The following RIC1 variants were observed in gnomAD, a reference collection of about 807,000 sequenced individuals.
The protein encoded by RIC1 is guanine nucleotide exchange factor subunit RIC1.
RIC1 carries 88 observed loss-of-function variants against 169.0 expected under a neutral mutation model. That is an observed-to-expected ratio of 0.52 (90% confidence interval 0.44 to 0.62). The LOEUF (loss-of-function observed/expected upper bound fraction) is 0.62. RIC1 is among the 20% of genes least tolerant of loss of function. RIC1 has a pLI of 0.00. For missense variants in RIC1, 1,877 were observed against 1,725.5 expected (o/e 1.09, Z -1.56); for synonymous variants, 790 against 601.5 (o/e 1.31, Z -4.59).
At position 5,753,419 on chromosome 9, in the gene RIC1, T is replaced by C. The variant is rs907290674; in HGVS notation, c.1492-117T>C. The C allele has an allele frequency of 8.9e-5, 73 of 818,738 alleles. 1 individual carries two copies. Among genetic ancestry groups the C allele is most frequent in the Non-Finnish European group, 1.2e-4 (62 of 512,730 alleles). 50.7% of individuals were successfully genotyped at this position (818,738 alleles called of 1,614,324 possible). On this transcript the variant is annotated intron_variant, in intron 13 of 25. Transcript: ENST00000414202. ...ATAACTGAATATTTGGACTTTAAAA[T>C]ATTTAATTAGCAAACATTTATTAAT...
intron 3 of RIC1, among the ~76,000 whole-genome samples, chr9:5,712,355 T>C (rs1239094252): frequency 6.6e-6 from 1 of 152,158 alleles, no homozygotes; most frequent in Admixed American, 6.6e-5. Flanking sequence ...CATGTGTCTG[T>C]TAAAGAGCTT....
intron 8 of RIC1, among the ~76,000 whole-genome samples, chr9:5,742,411 T>C (rs538429772): frequency 1.2e-4 from 18 of 152,204 alleles, no homozygotes; most frequent in Non-Finnish European, 2.2e-4. Flanking sequence ...GTGGAAGTCA[T>C]TCAGGGTGTC....
In RIC1 at chr9:5,753,598, T is replaced by C. The variant is rs1301248904; in HGVS notation, c.1554T>C (p.His518=). Residue 518 remains histidine (H), a synonymous_variant, in exon 14 of 26, where the codon CAT becomes CAC. Coordinates refer to ENST00000414202, the MANE Select transcript of RIC1 (RefSeq NM_020829.4). The part of the protein sequence containing the change: ...IAVVGKFGFA[H]YSLLTKKWKL... ...TGGTTGGCAAGTTTGGTTTTGCACA[T>C]TACTCTTTACTCACCAAAAAATGGA... 2 of 1,611,188 alleles carry C rather than the reference T, an allele frequency of 1.2e-6. No homozygotes were observed. Among genetic ancestry groups the C allele is most frequent in the Admixed American group, 1.7e-5 (1 of 59,630 alleles).
chr9:5,712,145 C>T (rs1822969199), intron 3 of RIC1, among the ~76,000 whole-genome samples: 1 of 152,152 alleles, frequency 6.6e-6, no homozygotes, highest in South Asian at 2.1e-4. Context: ...CCTAAGGAAT[C>T]GCCACACTGT....
chr9:5,706,493 A>AT (rs1003925307), intron 3 of RIC1, among the ~76,000 whole-genome samples: 40 of 150,876 alleles, frequency 2.7e-4, no homozygotes, highest in African/African-American at 4.9e-4. Flanking sequence ...CCTCTTACCT[A>AT]TTTTTTTTTA....
At chr9:5,723,009 A>G (rs549001965) in intron 6 of RIC1, among the ~76,000 whole-genome samples, 7 of 152,342 alleles carry the variant, frequency 4.6e-5, no homozygotes, top group African/African-American at 1.4e-4. Flanking sequence ...TAGTGCCACA[A>G]TAAACATACA....
At position 5,676,396 on chromosome 9, in the gene RIC1, G is replaced by C. The variant is rs558159453; in HGVS notation, c.253-13563G>C. Among the ~76,000 whole-genome samples the C allele has an allele frequency of 5.3e-5, 8 of 152,226 alleles. No homozygotes were observed. The South Asian group carries it at 1.5e-3, about 28-fold the overall frequency. The stretch of plus-strand genomic sequence containing the variant: ...ATAATTATAATAGTAAATTTTGGGA[G>C]GTGTCTATGTTCTAGGCACTGTTGT... On this transcript the variant is annotated intron_variant, in intron 2 of 25. Transcript: ENST00000414202.
rs898530919 is a variant in RIC1 at position 5,775,187 on chromosome 9, A to G, written c.*941A>G. On this transcript the variant is annotated 3_prime_UTR_variant, in exon 26 of 26. Transcript: ENST00000414202. ...TGCAGCAAGTTTTGTGCAAATTAAC[A>G]TAGTCTCTTATTTATTGCTTTTGTA... 22 of 152,230 alleles carry G rather than the reference A, an allele frequency of 1.4e-4. No homozygotes were observed. Among genetic ancestry groups the G allele is most frequent in the African/African-American group, 5.3e-4 (22 of 41,472 alleles). 9.4% of individuals were successfully genotyped at this position (152,230 alleles called of 1,614,324 possible).
chr9:5,635,803 G>A (rs74768668), intron 1 of RIC1, among the ~76,000 whole-genome samples: 2 of 152,194 alleles, frequency 1.3e-5, no homozygotes, highest in East Asian at 3.9e-4. Flanking sequence ...CCTTCTACAC[G>A]CTCTGTCTCT....
At chr9:5,686,412 T>C (rs1435673551) in intron 2 of RIC1, among the ~76,000 whole-genome samples, 2 of 151,808 alleles carry the variant, frequency 1.3e-5, no homozygotes, top group East Asian at 3.9e-4. Context: ...ATTAAGAAAA[T>C]GTGGCACATA....
At chr9:5,674,767 C>T (rs1820344204) in intron 2 of RIC1, among the ~76,000 whole-genome samples, 4 of 152,218 alleles carry the variant, frequency 2.6e-5, no homozygotes. Flanking sequence ...TCCCCTCCAG[C>T]CCACTTTTCC....
chr9:5,711,772 G>A (rs1041483078), intron 3 of RIC1, among the ~76,000 whole-genome samples: 1 of 152,114 alleles, frequency 6.6e-6, no homozygotes, highest in Admixed American at 6.6e-5. Context: ...TCCCTTTCCT[G>A]TGTCCAAGTG....
At chr9:5,762,000 C>T (rs1166796163) in intron 17 of RIC1, among the ~76,000 whole-genome samples, 1 of 152,172 alleles carries the variant, frequency 6.6e-6, no homozygotes, top group Non-Finnish European at 1.5e-5. Flanking sequence ...TAAGTAGTGG[C>T]TTCTTTCCTG....
intron 3 of RIC1, among the ~76,000 whole-genome samples, chr9:5,708,867 G>A (rs537223249): frequency 4.6e-5 from 7 of 151,770 alleles, no homozygotes; most frequent in Admixed American, 6.6e-5. Flanking sequence ...ACAGACAGGC[G>A]TTGGTATTTA....
In RIC1 at chr9:5,656,641, C is replaced by A. The variant is rs1056467720; in HGVS notation, c.203C>A (p.Ser68Tyr). Residue 68 changes from serine to tyrosine, a missense_variant, in exon 2 of 26, where the codon TCC (serine) becomes TAC (tyrosine). Around this residue, in one of 3 missense-constraint regions of RIC1, gnomAD observed 1,104 missense variants for 992.0 expected, o/e 1.11. Transcript: ENST00000414202. ...EPAKSSTQFG[S>Y]YKQAEWRPDS... ...GCAAAATCATCTACTCAGTTTGGAT[C>A]CTACAAGCAAGCTGAATGGAGGCCA... 2 of 1,610,538 alleles carry A rather than the reference C, an allele frequency of 1.2e-6. No individual in the cohort carries two copies. Among genetic ancestry groups the A allele is most frequent in the South Asian group, 1.1e-5 (1 of 90,678 alleles).
chr9:5,634,024 T>A (rs929757820), intron 1 of RIC1, among the ~76,000 whole-genome samples: 1 of 152,200 alleles, frequency 6.6e-6, no homozygotes, highest in Non-Finnish European at 1.5e-5. Flanking sequence ...ATACTGTCCT[T>A]AAGTTTTGTC....
intron 8 of RIC1, among the ~76,000 whole-genome samples, chr9:5,740,683 G>A (rs961159926): frequency 6.6e-6 from 1 of 151,120 alleles, no homozygotes; most frequent in African/African-American, 2.4e-5. Context: ...TTTTCTGCCT[G>A]CTTATATTCT....
chr9:5,772,135 T>TC (rs1563728033), intron 23 of RIC1, among the ~76,000 whole-genome samples: 1 of 152,212 alleles, frequency 6.6e-6, no homozygotes, highest in Non-Finnish European at 1.5e-5. Flanking sequence ...AAGTGGATGT[T>TC]CCCCCACCCT....
chr9:5,680,764 G>A (rs191242179), intron 2 of RIC1, among the ~76,000 whole-genome samples: 66 of 149,582 alleles, frequency 4.4e-4, no homozygotes, highest in African/African-American at 7.8e-4. Flanking sequence ...TCTTGCTAGC[G>A]GTCTATCAAT....
Sources: allele counts gnomAD v4.1 joint callset (sites outside exome capture counted in the v4.1 genomes callset), GRCh38; gene constraint gnomAD v4.1.1; regional missense constraint gnomAD v4.1.1; transcripts MANE v1.5; gene names NCBI Gene and HGNC (gene_info 2026-07-23, HGNC 2026-07-21).